CHD1: variants seen among roughly 807,000 people sequenced by gnomAD.
The protein encoded by CHD1 is chromodomain helicase DNA binding protein 1, also known as ATP-dependent chromatin remodeler CHD1.
CHD1 carries 36 observed loss-of-function variants against 224.2 expected under a neutral mutation model. The ratio of observed to expected loss-of-function variants is 0.16; its 90% CI spans 0.12 to 0.21. The LOEUF (loss-of-function observed/expected upper bound fraction) is 0.21, where lower values mean the gene tolerates loss of function less well. Ranked by LOEUF, CHD1 falls within the 10% of genes least tolerant of loss-of-function variation. CHD1 has a pLI of 1.00. For missense variants in CHD1, 1,378 were observed against 1,994.8 expected (o/e 0.69, Z 5.89); for synonymous variants, 668 against 658.3 (o/e 1.01, Z -0.23).
intron 2 of CHD1, among the ~76,000 whole-genome samples, chr5:98,918,541 G>A (rs1230531752): frequency 1.3e-5 from 2 of 150,602 alleles, no homozygotes; most frequent in African/African-American, 4.9e-5. Context: ...AGGCCAAGGC[G>A]GGCGGATCAC....
chr5:98,921,274 C>T (rs1753077795), intron 2 of CHD1, among the ~76,000 whole-genome samples: 1 of 152,172 alleles, frequency 6.6e-6, no homozygotes. Flanking sequence ...CTTACCTAGC[C>T]TCTTGCTAGT....
rs1378696847 is a variant in CHD1, at chr5:98,926,469, T to C, written c.-83A>G. On this transcript the variant is annotated 5_prime_UTR_variant, in exon 2 of 36. It adds an upstream start codon to the 5' untranslated region. Coordinates refer to ENST00000614616, the MANE Select transcript of CHD1 (RefSeq NM_001270.4). Reference sequence around the variant, plus strand: ...TGAATATAAATACTGACTCCTTGAATATAAAAATTCACAGATGAATTTTCT... The same window carrying C: ...TGAATATAAATACTGACTCCTTGAACATAAAAATTCACAGATGAATTTTCT... 2 of 637,536 alleles carry C rather than the reference T, an allele frequency of 3.1e-6. No homozygotes were observed. Among genetic ancestry groups the C allele is most frequent in the Non-Finnish European group, 4.9e-6 (2 of 407,478 alleles). The allele number at this position is 637,536 out of a possible 1,614,324, so 39.5% of individuals were successfully genotyped here.
chr5:98,878,854 C>T (rs1279133231), intron 23 of CHD1, among the ~76,000 whole-genome samples: 2 of 152,114 alleles, frequency 1.3e-5, no homozygotes, highest in South Asian at 4.2e-4. Context: ...GAAAAAGTAA[C>T]GCTTAAAGAA....
In CHD1 at chr5:98,882,052, C is replaced by T. The variant is rs1039522597; in HGVS notation, c.2790G>A (p.Met930Ile). ...EDILERAKKKMVLDHLVIQRM... is the reference protein window; with the variant it reads ...EDILERAKKKIVLDHLVIQRM... ...TTTGAATTACAAGATGATCTAAAAC[C>T]ATCTTCTTTTTCGCCCTTTCAAGAA... Residue 930 changes from methionine (M) to isoleucine (I), a missense_variant, in exon 20 of 36, where the codon ATG becomes ATA. Transcript: ENST00000614616. 2 of 1,613,554 alleles carry T rather than the reference C, an allele frequency of 1.2e-6. No homozygotes were observed. The highest frequency in any genetic ancestry group is 4.5e-5 in the East Asian group (2 of 44,816).
chr5:98,868,837 G>A (rs1169996182), intron 30 of CHD1: 1 of 610,990 alleles, frequency 1.6e-6, no homozygotes, highest in Non-Finnish European at 2.5e-6. Context: ...ATGTTACTCT[G>A]AAGGTAAAGC....
chr5:98,887,084 C>T (rs1392602025), intron 17 of CHD1, among the ~76,000 whole-genome samples: 1 of 152,142 alleles, frequency 6.6e-6, no homozygotes, highest in Non-Finnish European at 1.5e-5. Flanking sequence ...AACAATTATA[C>T]ACATCTGTGA....
Position 98,879,600 on chromosome 5 carries a change from T to C in CHD1, c.3189A>G (p.Glu1063=), listed in dbSNP as rs1199057550. ...RRLEEEERQK[E]LEEIYMLPRM... is the part of the protein sequence containing the mutation. ...TTGGGAGCATATAAATTTCTTCAAG[T>C]TCCTTTTGTCTTTCTTCTTCTTCTA... Residue 1063 remains glutamate, a synonymous_variant, in exon 23 of 36, where the codon GAA becomes GAG. Coordinates refer to ENST00000614616, the MANE Select transcript of CHD1 (RefSeq NM_001270.4). 1.9e-6 allele frequency: 3 copies of C among 1,603,366 alleles called. No individual in the cohort carries two copies. Among genetic ancestry groups the C allele is most frequent in the Non-Finnish European group, 2.5e-6 (3 of 1,177,278 alleles).
intron 5 of CHD1, among the ~76,000 whole-genome samples, chr5:98,902,410 T>A (rs1751776819): frequency 6.6e-6 from 1 of 152,030 alleles, no homozygotes; most frequent in South Asian, 2.1e-4. Flanking sequence ...ATCATTAAAA[T>A]AAACATGGAT....
At chr5:98,862,763 T>C (rs1214164027) in intron 32 of CHD1, among the ~76,000 whole-genome samples, 1 of 152,180 alleles carries the variant, frequency 6.6e-6, no homozygotes, top group Non-Finnish European at 1.5e-5. Flanking sequence ...TTTCATTCAG[T>C]GGTCCTCCAA....
intron 3 of CHD1, among the ~76,000 whole-genome samples, chr5:98,904,427 T>C (rs1751919465): frequency 6.6e-6 from 1 of 152,214 alleles, no homozygotes; most frequent in Admixed American, 6.5e-5. Flanking sequence ...TTTGTATCTC[T>C]TGTAGTTTTT....
intron 5 of CHD1, among the ~76,000 whole-genome samples, chr5:98,902,499 C>T (rs115440144): frequency 1.1e-4 from 16 of 151,884 alleles, no homozygotes; most frequent in African/African-American, 3.6e-4. Context: ...ATGAGTTCTA[C>T]GGTATGAAGT....
Position 98,858,369 on chromosome 5 carries a change from T to C in CHD1, c.4598A>G (p.Asn1533Ser), listed in dbSNP as rs1487442473. ...RNPDVERLKE[N>S]TNHDDSSRDS... is the part of the protein sequence containing the mutation. Reference sequence around the variant, plus strand: ...CCTGCTGCTATCATCGTGATTTGTATTCTCTTTTAATCTTTCCACATCTGT... The same window carrying C: ...CCTGCTGCTATCATCGTGATTTGTACTCTCTTTTAATCTTTCCACATCTGT... Residue 1533 changes from asparagine (N) to serine (S), a missense_variant, in exon 35 of 36, where the codon AAT becomes AGT. Asn to Ser is a conservative substitution (Grantham distance 46, BLOSUM62 1). Transcript: ENST00000614616. 2 of 1,612,568 alleles carry C rather than the reference T, an allele frequency of 1.2e-6. No homozygotes were observed. The highest frequency in any genetic ancestry group is 1.7e-6 in the Non-Finnish European group (2 of 1,178,878).
chr5:98,905,796 A>C (rs1027888150), intron 2 of CHD1, among the ~76,000 whole-genome samples: 3 of 152,188 alleles, frequency 2.0e-5, no homozygotes, highest in African/African-American at 7.2e-5. Flanking sequence ...ACATTTCATA[A>C]ACTATCCTTT....
intron 4 of CHD1, 33 bp downstream of exon 4, chr5:98,903,759 C>T (rs1456987268): frequency 6.3e-6 from 9 of 1,437,122 alleles, no homozygotes; most frequent in Non-Finnish European, 8.8e-6. Flanking sequence ...AGCATGTCCA[C>T]TTTTAAAATA....
At chr5:98,869,052 CT>C in intron 30 of CHD1, 1 of 887,628 alleles carries the variant, frequency 1.1e-6, no homozygotes. Flanking sequence ...TGTATAGCTT[CT>C]TTTACTTTGT....
At chr5:98,884,892 C>A (rs1232222130) in intron 18 of CHD1, among the ~76,000 whole-genome samples, 1 of 151,594 alleles carries the variant, frequency 6.6e-6, no homozygotes, top group East Asian at 1.9e-4. Context: ...ATTTTTTTTA[C>A]TTTTTATTTT....
intron 2 of CHD1, among the ~76,000 whole-genome samples, chr5:98,917,500 A>G (rs991551132): frequency 2.6e-5 from 4 of 152,226 alleles, no homozygotes; most frequent in African/African-American, 9.7e-5. Flanking sequence ...TTAGAATCCC[A>G]TGATATCTAC....
chr5:98,881,117 C>G lies in CHD1; in HGVS notation c.3019G>C (p.Gly1007Arg), dbSNP rs1234430100. 15 of 1,611,536 alleles carry G rather than the reference C, an allele frequency of 9.3e-6. No individual in the cohort carries two copies. Among genetic ancestry groups the G allele is most frequent in the Non-Finnish European group, 1.3e-5 (15 of 1,178,692 alleles). Reference sequence around the variant, plus strand: ...AATTCATCTCCTACAGTTAAAGGACCTGGTTCATTTTCATGAGTTTCAGCT... The same window carrying G: ...AATTCATCTCCTACAGTTAAAGGACGTGGTTCATTTTCATGAGTTTCAGCT... The part of the protein sequence containing the change: ...KRAETHENEP[G>R]PLTVGDELLS... The change falls in exon 22 of 36, where the codon GGT becomes CGT. Residue 1007 changes from glycine to arginine, a missense_variant. Gly to Arg is a moderately radical substitution (Grantham distance 125). Coordinates refer to ENST00000614616, the MANE Select transcript of CHD1 (RefSeq NM_001270.4).
intron 26 of CHD1, 101 bp downstream of exon 26, chr5:98,873,492 A>C: frequency 2.2e-6 from 2 of 893,998 alleles, no homozygotes; most frequent in Non-Finnish European, 3.1e-6. Flanking sequence ...ACCTTTTGAG[A>C]CTGATGAATA....
Sources: gnomAD v4.1 joint callset for allele counts (sites outside exome capture counted in the v4.1 genomes callset) on GRCh38, gnomAD v4.1.1 for gene constraint, MANE v1.5 for transcripts, NCBI Gene and HGNC (gene_info 2026-07-23, HGNC 2026-07-21) for gene names.